The following MCPH1 variants were observed in gnomAD, a reference collection of about 807,000 sequenced individuals.
MCPH1 encodes microcephalin.
In MCPH1, 104 loss-of-function variants were observed where a neutral mutation model predicts 84.5. The observed-to-expected ratio is 1.23, with a 90% CI of 1.05 to 1.45. The LOEUF is 1.45. MCPH1 is among the 40% of genes most tolerant of loss of function. The probability of loss-of-function intolerance (pLI) is 0.00; values close to 1 mark genes in which losing one functional copy is unlikely to be tolerated. For synonymous variants in MCPH1, 514 were observed against 366.8 expected, an observed-to-expected ratio of 1.40 and a Z score of -4.58; for missense variants, 1,498 against 1,005.7, an observed-to-expected ratio of 1.49 and a Z score of -6.62.
chr8:6,560,234 A>C (rs1264050692), intron 12 of MCPH1, among the ~76,000 whole-genome samples: 1 of 152,168 alleles, frequency 6.6e-6, no homozygotes, highest in Non-Finnish European at 1.5e-5. Context: ...TTTTCAAAAA[A>C]TAGCTCAAAA....
chr8:6,439,934 G>C (rs1475485731), intron 6 of MCPH1, among the ~76,000 whole-genome samples: 1 of 152,138 alleles, frequency 6.6e-6, no homozygotes, highest in East Asian at 1.9e-4. Context: ...TTCCAGATCT[G>C]TTTCAGTGTA....
chr8:6,491,444 T>C (rs141377041), intron 11 of MCPH1, among the ~76,000 whole-genome samples: 3,486 of 151,100 alleles, frequency 0.023, 138 homozygotes, highest in African/African-American at 0.08. Flanking sequence ...TTTAAAAGCA[T>C]TGCTCAGAAC....
chr8:6,632,617 G>C (rs1295474982), intron 13 of MCPH1, among the ~76,000 whole-genome samples: 28 of 152,122 alleles, frequency 1.8e-4, no homozygotes, highest in Admixed American at 1.8e-3. Flanking sequence ...AGACCATCCT[G>C]GCTAACACAG....
At chr8:6,417,575 T>C (rs1303257713) in intron 3 of MCPH1, among the ~76,000 whole-genome samples, 1 of 152,224 alleles carries the variant, frequency 6.6e-6, no homozygotes, top group Non-Finnish European at 1.5e-5. Context: ...TTTTTCTCCA[T>C]CAAATCCATT....
intron 12 of MCPH1, among the ~76,000 whole-genome samples, chr8:6,557,688 T>TACACACACAC (rs112788253): frequency 2.9e-4 from 43 of 148,794 alleles, no homozygotes; most frequent in African/African-American, 5.7e-4. Flanking sequence ...TATGTGTGTG[T>TACACACACAC]ACACACACAC....
chr8:6,418,491 G>C (rs1799639640), intron 3 of MCPH1, among the ~76,000 whole-genome samples: 1 of 152,118 alleles, frequency 6.6e-6, no homozygotes, highest in African/African-American at 2.4e-5. Context: ...ATGGAACTTA[G>C]TATGTTATTT....
Position 6,477,593 on chromosome 8 carries a change from G to T in MCPH1, c.1936-1G>T. ...TGTTCCTTCTTGTTTGAAATCTCTA[G>T]CCAACAAGAACATTAGTCATGACAA... On this transcript the variant is annotated splice_acceptor_variant, in intron 9 of 13. Coordinates refer to ENST00000344683, the MANE Select transcript of MCPH1 (RefSeq NM_024596.5). LOFTEE classifies it high-confidence loss of function. The T allele has an allele frequency of 6.2e-7, 1 of 1,612,170 alleles. No individual in the cohort carries two copies. Among genetic ancestry groups the T allele is most frequent in the Non-Finnish European group, 8.5e-7 (1 of 1,178,846 alleles).
Position 6,406,727 on chromosome 8 carries a change from T to G in MCPH1, c.22+38T>G, listed in dbSNP as rs763164080. ...CTGCTGCCTGCTCCAGCAGCGGGAG[T>G]TTGAGGACCGGCACCCCTCGTCGCG... On this transcript the variant is annotated intron_variant, in intron 1 of 13. Transcript: ENST00000344683. 61 of 1,609,050 alleles carry G rather than the reference T, an allele frequency of 3.8e-5. No individual in the cohort carries two copies. The East Asian group carries it at 1.3e-3, about 35-fold the overall frequency.
rs746101185 is a variant in MCPH1 at position 6,444,405 on chromosome 8, C to A, written c.683C>A (p.Ala228Asp). The change falls in exon 8 of 14, where the codon GCT becomes GAT. Residue 228 changes from alanine to aspartate, a missense_variant. Ala to Asp is a moderately radical substitution (Grantham distance 126). Coordinates refer to ENST00000344683, the MANE Select transcript of MCPH1 (RefSeq NM_024596.5). ...TAATGTTTTCCAGATGAATACTTTG[C>A]TGGTGGCTTACACTCATCTTTTGAT... ...RDTLCSDEYF[A>D]GGLHSSFDDL... The A allele has an allele frequency of 6.2e-7, 1 of 1,614,104 alleles. No homozygotes were observed.
chr8:6,416,206 A>G (rs534773164), intron 3 of MCPH1, among the ~76,000 whole-genome samples: 10 of 152,248 alleles, frequency 6.6e-5, no homozygotes, highest in Non-Finnish European at 8.8e-5. Flanking sequence ...AGCATTTTCT[A>G]TATGCAATGT....
chr8:6,435,976 A>G (rs1190801640), intron 4 of MCPH1, 72 bp from the exon 5 acceptor site: 9 of 1,575,824 alleles, frequency 5.7e-6, no homozygotes, highest in Non-Finnish European at 7.8e-6. Flanking sequence ...TCAGAAATGT[A>G]TGCGAAAGGG....
chr8:6,410,634 T>C (rs902706315), intron 2 of MCPH1, among the ~76,000 whole-genome samples: 2 of 152,202 alleles, frequency 1.3e-5, no homozygotes, highest in African/African-American at 2.4e-5. Context: ...ATCACTTTGA[T>C]GACGGGTTTT....
intron 12 of MCPH1, among the ~76,000 whole-genome samples, chr8:6,607,721 T>C (rs10090111): frequency 0.64 from 96,820 of 152,052 alleles, 33,411 homozygotes; most frequent in Non-Finnish European, 0.79. Flanking sequence ...TAAGGGGAAA[T>C]GCCTTTCACT....
intron 12 of MCPH1, among the ~76,000 whole-genome samples, chr8:6,523,559 C>T (rs1817753989): frequency 1.3e-5 from 2 of 152,162 alleles, no homozygotes; most frequent in African/African-American, 4.8e-5. Flanking sequence ...CAAAGACATG[C>T]ACAGTCAAGG....
At chr8:6,642,770 G>T in intron 13 of MCPH1, 1 of 594,134 alleles carries the variant, frequency 1.7e-6, no homozygotes, top group Non-Finnish European at 3.1e-6. Flanking sequence ...CCAAGCACTT[G>T]AACTGGCCAG....
At chr8:6,512,282 C>T (rs930868595) in intron 12 of MCPH1, among the ~76,000 whole-genome samples, 2 of 152,168 alleles carry the variant, frequency 1.3e-5, no homozygotes, top group African/African-American at 4.8e-5. Flanking sequence ...CATTTAGCCG[C>T]TTCTCCGTGC....
At chr8:6,547,809 C>T (rs946756245) in intron 12 of MCPH1, among the ~76,000 whole-genome samples, 7 of 151,920 alleles carry the variant, frequency 4.6e-5, no homozygotes, top group Admixed American at 1.3e-4. Context: ...AGGGGAGCAC[C>T]GGAAGAAGGG....
At chr8:6,580,061 C>T (rs1371016607) in intron 12 of MCPH1, among the ~76,000 whole-genome samples, 1 of 152,196 alleles carries the variant, frequency 6.6e-6, no homozygotes, top group Non-Finnish European at 1.5e-5. Context: ...CTCATTGACT[C>T]AGTCTGAACA....
chr8:6,604,473 A>T (rs1243174916), intron 12 of MCPH1, among the ~76,000 whole-genome samples: 1 of 152,234 alleles, frequency 6.6e-6, no homozygotes, highest in Non-Finnish European at 1.5e-5. Flanking sequence ...GTGGAATGTG[A>T]GAGCACATGT....
Sources: gnomAD v4.1 joint callset for allele counts (sites outside exome capture counted in the v4.1 genomes callset) on GRCh38, gnomAD v4.1.1 for gene constraint, MANE v1.5 for transcripts, NCBI Gene and HGNC (gene_info 2026-07-23, HGNC 2026-07-21) for gene names.